AGAP3: variants seen among roughly 807,000 people sequenced by gnomAD.
AGAP3 encodes the protein ArfGAP with GTPase domain, ankyrin repeat and PH domain 3.
A neutral mutation model predicts 96.9 loss-of-function variants in AGAP3; 24 were observed. That is an observed-to-expected ratio of 0.25 (90% CI 0.18 to 0.35). AGAP3 has a LOEUF of 0.35. Ranked by LOEUF, AGAP3 falls within the 10% of genes least tolerant of loss-of-function variation. The pLI, the probability that AGAP3 is intolerant of heterozygous loss-of-function variation, is 1.00. For synonymous variants in AGAP3, 563 were observed against 536.1 expected, an observed-to-expected ratio of 1.05 and a Z score of -0.69; for missense variants, 876 against 1,254.2, an observed-to-expected ratio of 0.70 and a Z score of 4.55.
intron 4 of AGAP3, 24 bp downstream of exon 4, chr7:151,117,480 G>A: frequency 8.1e-6 from 13 of 1,614,062 alleles, no homozygotes; most frequent in Non-Finnish European, 1.1e-5. Context: ...CCAGGGTTAG[G>A]GCCCACCGCT....
chr7:151,115,516 C>G (rs999613152), intron 1 of AGAP3: 190 of 1,037,896 alleles, frequency 1.8e-4, no homozygotes, highest in Non-Finnish European at 1.9e-4. Context: ...CCCGGCCGCC[C>G]CCGCACCGCC....
At chr7:151,101,106 G>A (rs1157240294) in intron 1 of AGAP3, among the ~76,000 whole-genome samples, 2 of 152,248 alleles carry the variant, frequency 1.3e-5, no homozygotes, top group Admixed American at 6.5e-5. Flanking sequence ...CCTGATGGAT[G>A]TTGAGCCCTG....
chr7:151,111,884 C>A (rs1022193408), intron 1 of AGAP3, among the ~76,000 whole-genome samples: 1 of 152,148 alleles, frequency 6.6e-6, no homozygotes, highest in East Asian at 1.9e-4. Context: ...AGAGAACTGA[C>A]GTGAGGGCTT....
At chr7:151,129,955 A>G (rs1315108695) in intron 10 of AGAP3, among the ~76,000 whole-genome samples, 1 of 152,244 alleles carries the variant, frequency 6.6e-6, no homozygotes, top group African/African-American at 2.4e-5. Context: ...ACAGACAGGA[A>G]GTCCCAGGTA....
Position 151,117,109 on chromosome 7 carries a change from C to T in AGAP3, c.405C>T (p.Asn135=). 6.2e-7 allele frequency: 1 copy of T among 1,614,102 alleles called. No individual in the cohort carries two copies. The highest frequency in any genetic ancestry group is 8.5e-7 in the Non-Finnish European group (1 of 1,179,962). ...VPELKVGIVG[N]LSSGKSALVH... The stretch of plus-strand genomic sequence containing the variant: ...CTCTCCCGCAGGGCATAGTGGGGAA[C>T]CTGTCTAGCGGGAAGTCAGCCCTGG... Residue 135 remains asparagine (N), a synonymous_variant, in exon 3 of 18, where the codon AAC becomes AAT. Transcript: ENST00000397238.
Position 151,120,203 on chromosome 7 carries a change from C to G in AGAP3, c.1128+58C>G, listed in dbSNP as rs867840468. On this transcript the variant is annotated intron_variant, in intron 8 of 17. Transcript: ENST00000397238. ...CCTTTGCTGCACAGGCAGGGCTGAGCGCCGAGCTCCCAGCCAGGAGGGGCG... is the reference window on the plus strand; with the variant it reads ...CCTTTGCTGCACAGGCAGGGCTGAGGGCCGAGCTCCCAGCCAGGAGGGGCG... 3 of 1,522,292 alleles carry G rather than the reference C, an allele frequency of 2.0e-6. No individual in the cohort carries two copies. The Middle Eastern group carries it at 5.3e-4, about 270-fold the overall frequency. 94.3% of individuals were successfully genotyped at this position (1,522,292 alleles called of 1,614,324 possible).
In AGAP3 at chr7:151,087,553, G is replaced by T. The variant is rs373959574; in HGVS notation, c.331+481G>T. 4.6e-5 allele frequency among the ~76,000 whole-genome samples: 7 copies of T among 152,162 alleles called. No homozygotes were observed. The East Asian group carries it at 1.4e-3, about 30-fold the overall frequency. ...GCTCGCCGCGGCGCCCTCTCCCGAC[G>T]CACACCCCCTACGCCGCGGCGGCCA... On this transcript the variant is annotated intron_variant, in intron 1 of 17. Coordinates refer to ENST00000397238, the MANE Select transcript of AGAP3 (RefSeq NM_031946.7).
At position 151,140,265 on chromosome 7, in the gene AGAP3, T is replaced by G. The variant is rs1800768777; in HGVS notation, c.1804+149T>G. The G allele has an allele frequency of 1.1e-6, 1 of 942,328 alleles. No homozygotes were observed. Among genetic ancestry groups the G allele is most frequent in the South Asian group, 3.7e-5 (1 of 26,918 alleles). The allele number at this position is 942,328 out of a possible 1,614,324, so 58.4% of individuals were successfully genotyped here. ...TGCTAATCAAAGTAGTTCTACAGCT[T>G]CTTTTGGTAATCTAGACCTGGTATC... On this transcript the variant is annotated intron_variant, in intron 13 of 17. Transcript: ENST00000397238. The surrounding 1 kb of genome is among the most constrained non-coding windows in gnomAD (Gnocchi z 5.4).
rs538157979 is a variant in AGAP3 at position 151,133,022 on chromosome 7, T to A, written c.1327-1378T>A. On this transcript the variant is annotated intron_variant, in intron 10 of 17. Transcript: ENST00000397238. The surrounding 1 kb of genome is among the most constrained non-coding windows in gnomAD (Gnocchi z 5.4). Reference sequence around the variant, plus strand: ...GCGGTAAAGGTGAAGGCCGGGCTCCTCAGGGTAGGAGGAGCGCGTCTGGGA... The same window carrying A: ...GCGGTAAAGGTGAAGGCCGGGCTCCACAGGGTAGGAGGAGCGCGTCTGGGA... Among the ~76,000 whole-genome samples, 1 of 152,240 alleles carries A rather than the reference T, an allele frequency of 6.6e-6. No individual in the cohort carries two copies. The highest frequency in any genetic ancestry group is 2.1e-4 in the South Asian group (1 of 4,822).
intron 1 of AGAP3, among the ~76,000 whole-genome samples, chr7:151,110,530 T>G (rs541011064): frequency 1.4e-4 from 22 of 151,918 alleles, no homozygotes; most frequent in African/African-American, 4.8e-4. Flanking sequence ...AATAAGGGGA[T>G]TGGGTGCCAT....
intron 1 of AGAP3, chr7:151,115,317 C>T: frequency 9.9e-7 from 1 of 1,009,554 alleles, no homozygotes; most frequent in Admixed American, 6.0e-5. Flanking sequence ...CCGGCGCGGC[C>T]TGGCGGCGCT....
intron 11 of AGAP3, among the ~76,000 whole-genome samples, chr7:151,137,258 C>T (rs1288129843): frequency 6.6e-6 from 1 of 152,208 alleles, no homozygotes; most frequent in African/African-American, 2.4e-5. Context: ...CTTTGGCCAG[C>T]TCCGGGCCCC....
chr7:151,099,447 C>T lies in AGAP3; in HGVS notation c.331+12375C>T, dbSNP rs368084054. Reference sequence around the variant, plus strand: ...CTGTGGTGATTGACAGCAGACAAATCCATTTAAAAGTCTTGCTGAATTCAC... The same window carrying T: ...CTGTGGTGATTGACAGCAGACAAATTCATTTAAAAGTCTTGCTGAATTCAC... On this transcript the variant is annotated intron_variant, in intron 1 of 17. Coordinates refer to ENST00000397238, the MANE Select transcript of AGAP3 (RefSeq NM_031946.7). Among the ~76,000 whole-genome samples the T allele has an allele frequency of 2.0e-5, 3 of 152,142 alleles. No homozygotes were observed. In the East Asian group the frequency reaches 5.8e-4, roughly 29 times the overall value.
intron 10 of AGAP3, among the ~76,000 whole-genome samples, chr7:151,130,760 G>A (rs993042181): frequency 1.8e-4 from 28 of 152,234 alleles, no homozygotes; most frequent in Middle Eastern, 3.4e-3. Context: ...GGCTCCGTGC[G>A]CTCACAGCTC....
rs1429406816 is a variant in AGAP3, at chr7:151,096,780, C to A, written c.331+9708C>A. Among the ~76,000 whole-genome samples the A allele has an allele frequency of 6.7e-6, 1 of 148,674 alleles. No homozygotes were observed. Among genetic ancestry groups the A allele is most frequent in the Non-Finnish European group, 1.5e-5 (1 of 67,000 alleles). On this transcript the variant is annotated intron_variant, in intron 1 of 17. Coordinates refer to ENST00000397238, the MANE Select transcript of AGAP3 (RefSeq NM_031946.7). This position sits in a 1 kb window ranked among gnomAD's most constrained non-coding sequence, Gnocchi z 4.4. ...AGCCACTGCGCCTGGCCTAAATTTT[C>A]TTTTCTTTTCTTTAACGAGACAGAG...
At chr7:151,127,583 G>A (rs1800230889) in intron 9 of AGAP3, among the ~76,000 whole-genome samples, 1 of 152,174 alleles carries the variant, frequency 6.6e-6, no homozygotes, top group Admixed American at 6.5e-5. Context: ...GGCCATGGAT[G>A]GTGATGCTGG....
intron 8 of AGAP3, chr7:151,123,457 C>A: frequency 2.1e-5 from 24 of 1,160,448 alleles, no homozygotes; most frequent in Non-Finnish European, 2.6e-5. Context: ...GCGCCCTGTG[C>A]TCCCGACCAG....
chr7:151,086,897 G>A lies in AGAP3; in HGVS notation c.156G>A (p.Gln52=). 1 of 1,452,712 alleles carries A rather than the reference G, an allele frequency of 6.9e-7. No homozygotes were observed. The highest frequency in any genetic ancestry group is 9.1e-7 in the Non-Finnish European group (1 of 1,093,640). The allele number at this position is 1,452,712 out of a possible 1,614,324, so 90.0% of individuals were successfully genotyped here. A position where few individuals can be genotyped will look rare whatever the true frequency, so the allele number is the denominator to read the frequency against. ...GGGGCGGCGGCGGCCCCTCGCAGCA[G>A]CTGGCCGGCGGGCCCCCCCAGCAGT... ...GAGGGGGPSQ[Q]LAGGPPQQFA... The change falls in exon 1 of 18, where the codon CAG becomes CAA. Residue 52 remains glutamine (Q), a synonymous_variant. Coordinates refer to ENST00000397238, the MANE Select transcript of AGAP3 (RefSeq NM_031946.7).
intron 12 of AGAP3, among the ~76,000 whole-genome samples, chr7:151,138,889 C>T (rs1800713528): frequency 1.3e-5 from 2 of 152,178 alleles, no homozygotes; most frequent in Admixed American, 1.3e-4. Flanking sequence ...AGGCCTCCAC[C>T]CATCCTAGGT....
Sources: allele counts gnomAD v4.1 joint callset (sites outside exome capture counted in the v4.1 genomes callset), GRCh38; gene constraint gnomAD v4.1.1; non-coding constraint Gnocchi (gnomAD v3.1); transcripts MANE v1.5; gene names NCBI Gene and HGNC (gene_info 2026-07-23, HGNC 2026-07-21).